The following ARAP3 variants were observed in gnomAD, a reference collection of about 807,000 sequenced individuals.
The protein encoded by ARAP3 is ArfGAP with RhoGAP domain, ankyrin repeat and PH domain 3, also known as arf-GAP with Rho-GAP domain, ANK repeat and PH domain-containing protein 3.
In ARAP3, 82 loss-of-function variants were observed where a neutral mutation model predicts 169.2. The observed-to-expected ratio is 0.48, with a 90% CI of 0.41 to 0.58. ARAP3 has a LOEUF of 0.58. ARAP3 is among the 20% of genes least tolerant of loss of function. The pLI is 0.00. For missense variants in ARAP3, 1,764 were observed against 2,018.0 expected, an observed-to-expected ratio of 0.87 and a Z score of 2.41; for synonymous variants, 791 against 800.3, an observed-to-expected ratio of 0.99 and a Z score of 0.20.
At chr5:141,666,720 C>A in intron 16 of ARAP3, 77 bp from the exon 17 acceptor site, 2 of 710,968 alleles carry the variant, frequency 2.8e-6, no homozygotes, top group East Asian at 3.4e-5. Flanking sequence ...ATGAGAGTGA[C>A]CGGGGTAGCG....
At chr5:141,673,952 T>A (rs1384732712) in intron 4 of ARAP3, 144 bp from the exon 5 acceptor site, 11 of 698,380 alleles carry the variant, frequency 1.6e-5, no homozygotes, top group South Asian at 2.2e-5. Flanking sequence ...TTTTCTTTTC[T>A]TTTCTTCTTT....
At position 141,673,696 on chromosome 5, in the gene ARAP3, C is replaced by G; in HGVS notation, c.811G>C (p.Asp271His). The G allele has an allele frequency of 1.2e-6, 2 of 1,614,218 alleles. No homozygotes were observed. Among genetic ancestry groups the G allele is most frequent in the Non-Finnish European group, 1.7e-6 (2 of 1,180,046 alleles). ...PTLETEETSD[D>H]LISPYASFSF... ...AAGCTGGCATAGGGTGAAATGAGGT[C>G]ATCACTGGTCTCCTCTGTTTCCAGG... Residue 271 changes from aspartate (D) to histidine (H), a missense_variant, in exon 5 of 33, where the codon GAC (aspartate) becomes CAC (histidine). Around this residue, in one of 3 missense-constraint regions of ARAP3, gnomAD observed 630 missense variants for 678.7 expected, o/e 0.93. Coordinates refer to ENST00000239440, the MANE Select transcript of ARAP3 (RefSeq NM_022481.6).
In ARAP3 at chr5:141,669,715, C is replaced by T; in HGVS notation, c.2346G>A (p.Val782=). The change falls in exon 16 of 33, where the codon GTG becomes GTA. Residue 782 remains valine (V), a synonymous_variant. Coordinates refer to ENST00000239440, the MANE Select transcript of ARAP3 (RefSeq NM_022481.6). ...GGGCGCTCTCCTGTCTCACCTTGCCCACAGCACTAGTCCAGGCCTCCAGAC... is the reference window on the plus strand; with the variant it reads ...GGGCGCTCTCCTGTCTCACCTTGCCTACAGCACTAGTCCAGGCCTCCAGAC... The part of the protein sequence containing the change: ...ADSLEAWTSA[V]GKWFSPLSCH... The T allele has an allele frequency of 6.2e-7, 1 of 1,614,024 alleles. No individual in the cohort carries two copies. Among genetic ancestry groups the T allele is most frequent in the Non-Finnish European group, 8.5e-7 (1 of 1,179,932 alleles).
At chr5:141,662,891 G>C (rs2099910154) in intron 19 of ARAP3, among the ~76,000 whole-genome samples, 1 of 152,134 alleles carries the variant, frequency 6.6e-6, no homozygotes, top group South Asian at 2.1e-4. Context: ...TTGGCCTTGA[G>C]TTCAGTGTTA....
chr5:141,674,984 A>G (rs1156335609), intron 4 of ARAP3, among the ~76,000 whole-genome samples: 3 of 152,322 alleles, frequency 2.0e-5, no homozygotes, highest in East Asian at 3.9e-4. Context: ...TCCCATTCGC[A>G]CTTAGGTTAA....
Position 141,666,596 on chromosome 5 carries a change from C to T in ARAP3, c.2400G>A (p.Leu800=). ...ACCGCAGCCATAGGCGGCCCAGCCG[C>T]AGCAGCCCGGGGCCCAGCAGCTGGT... ...SCHQLLGPGL[L]RLGRLWLRSP... is the part of the protein sequence containing the mutation. The change falls in exon 17 of 33, where the codon CTG becomes CTA. Residue 800 remains leucine, a synonymous_variant. Coordinates refer to ENST00000239440, the MANE Select transcript of ARAP3 (RefSeq NM_022481.6). 1 of 1,510,756 alleles carries T rather than the reference C, an allele frequency of 6.6e-7. No homozygotes were observed. The highest frequency in any genetic ancestry group is 8.9e-7 in the Non-Finnish European group (1 of 1,127,272). The allele number at this position is 1,510,756 out of a possible 1,614,324, so 93.6% of individuals were successfully genotyped here. A position where few individuals can be genotyped will look rare whatever the true frequency, so the allele number is the denominator to read the frequency against.
intron 16 of ARAP3, among the ~76,000 whole-genome samples, chr5:141,668,526 T>A (rs889969525): frequency 2.0e-5 from 3 of 152,206 alleles, no homozygotes; most frequent in Non-Finnish European, 4.4e-5. Context: ...CAGGGGCTAG[T>A]ATGGTGTGAC....
At chr5:141,658,121 G>A (rs1280919955) in intron 25 of ARAP3, among the ~76,000 whole-genome samples, 1 of 152,156 alleles carries the variant, frequency 6.6e-6, no homozygotes, top group Non-Finnish European at 1.5e-5. Flanking sequence ...AAGAGGAAGA[G>A]AAGCTCCCTT....
At chr5:141,659,647 A>T in intron 22 of ARAP3, 132 bp downstream of exon 22, 1 of 1,375,706 alleles carries the variant, frequency 7.3e-7, no homozygotes, top group South Asian at 1.3e-5. Context: ...GGGCTCTGGG[A>T]GGTAGTTCCT....
intron 32 of ARAP3, 142 bp from the exon 33 acceptor site, chr5:141,654,577 G>C: frequency 8.2e-7 from 1 of 1,220,356 alleles, no homozygotes; most frequent in Non-Finnish European, 1.1e-6. Flanking sequence ...CCTGTGCAGT[G>C]GGTTACACTG....
intron 17 of ARAP3, 148 bp from the exon 18 acceptor site, chr5:141,665,522 C>T: frequency 5.3e-6 from 4 of 755,652 alleles, no homozygotes; most frequent in South Asian, 3.9e-5. Flanking sequence ...ACTATTATTC[C>T]CATTTTATAG....
rs149014021 is a variant in ARAP3, at chr5:141,659,848, C to T, written c.3198G>A (p.Thr1066=). 5.4e-4 allele frequency: 872 copies of T among 1,607,012 alleles called. 6 individuals carry two copies. The African/African-American group carries it at 9.7e-3, about 18-fold the overall frequency. The change falls in exon 22 of 33, where the codon ACG becomes ACA. Residue 1066 remains threonine (T), a synonymous_variant. Transcript: ENST00000239440. The part of the protein sequence containing the change: ...ALLFAPSVFQ[T]DGRGEHEVRV... Reference sequence around the variant, plus strand: ...GCACCTCGTGCTCCCCTCGCCCATCCGTCTGGAACACGCTGGGTGCAAACA... The same window carrying T: ...GCACCTCGTGCTCCCCTCGCCCATCTGTCTGGAACACGCTGGGTGCAAACA...
rs138870799 is a variant in ARAP3, at chr5:141,669,773, C to G, written c.2288G>C (p.Arg763Thr). 3.1e-6 allele frequency: 5 copies of G among 1,614,148 alleles called. No individual in the cohort carries two copies. The highest frequency in any genetic ancestry group is 4.2e-6 in the Non-Finnish European group (5 of 1,180,016). ...FSFELILAGG[R>T]IQHFGTDGAD... Reference sequence around the variant, plus strand: ...TCCATCTGTGCCAAAATGCTGGATCCTCCCCCCAGCGAGGATGAGCTCAAA... The same window carrying G: ...TCCATCTGTGCCAAAATGCTGGATCGTCCCCCCAGCGAGGATGAGCTCAAA... The change falls in exon 16 of 33, where the codon AGG becomes ACG. Residue 763 changes from arginine to threonine, a missense_variant. This residue lies in a region of ARAP3 where 1,112 missense variants were observed against 1,285.7 expected (regional missense o/e 0.86). Coordinates refer to ENST00000239440, the MANE Select transcript of ARAP3 (RefSeq NM_022481.6).
In ARAP3 at chr5:141,653,944, C is replaced by G; in HGVS notation, c.*6G>C. 2 of 1,523,802 alleles carry G rather than the reference C, an allele frequency of 1.3e-6. No homozygotes were observed. Among genetic ancestry groups the G allele is most frequent in the Non-Finnish European group, 1.8e-6 (2 of 1,137,572 alleles). The allele number at this position is 1,523,802 out of a possible 1,614,324, so 94.4% of individuals were successfully genotyped here. A position where few individuals can be genotyped will look rare whatever the true frequency, so the allele number is the denominator to read the frequency against. On this transcript the variant is annotated 3_prime_UTR_variant, in exon 33 of 33. Transcript: ENST00000239440. ...TACCTACCCTCTCAGACTGCTGGTCCTAGGGTCATGTGAGGGGCTGGCTGG... is the reference window on the plus strand; with the variant it reads ...TACCTACCCTCTCAGACTGCTGGTCGTAGGGTCATGTGAGGGGCTGGCTGG...
At position 141,656,602 on chromosome 5, in the gene ARAP3, G is replaced by A. The variant is rs753234343; in HGVS notation, c.3691C>T (p.Arg1231Trp). ...RRESPRVGLL[R>W]CREEPPRLLG... ...AAGCGAGGTGGCTCCTCACGACACCGCAACAGCCCCACCCGTGGGCTCTCA... is the reference window on the plus strand; with the variant it reads ...AAGCGAGGTGGCTCCTCACGACACCACAACAGCCCCACCCGTGGGCTCTCA... Residue 1231 changes from arginine to tryptophan, a missense_variant, in exon 27 of 33, where the codon CGG becomes TGG. Coordinates refer to ENST00000239440, the MANE Select transcript of ARAP3 (RefSeq NM_022481.6). The A allele has an allele frequency of 4.1e-5, 66 of 1,612,986 alleles. No homozygotes were observed. In the Middle Eastern group the frequency reaches 9.9e-4, roughly 24 times the overall value.
chr5:141,680,114 C>A lies in ARAP3; in HGVS notation c.373G>T (p.Val125Leu). 2 of 1,612,516 alleles carry A rather than the reference C, an allele frequency of 1.2e-6. No homozygotes were observed. The highest frequency in any genetic ancestry group is 1.7e-6 in the Non-Finnish European group (2 of 1,179,092). Residue 125 changes from valine (V) to leucine (L), a missense_variant, in exon 2 of 33, where the codon GTG becomes TTG. Physicochemically the swap from Val to Leu is conservative, Grantham distance 32. Transcript: ENST00000239440. Reference sequence around the variant, plus strand: ...GGGCTGGGCTCTGGGCTCCTGGACACTCCTGGTCCCCCGAGGGCTGGGCTC... The same window carrying A: ...GGGCTGGGCTCTGGGCTCCTGGACAATCCTGGTCCCCCGAGGGCTGGGCTC... ...GLSPALGGPG[V>L]SRSPEPSPRP...
chr5:141,666,721 C>A, intron 16 of ARAP3, 78 bp from the exon 17 acceptor site: 1 of 696,478 alleles, frequency 1.4e-6, no homozygotes, highest in Non-Finnish European at 2.1e-6. Flanking sequence ...TGAGAGTGAC[C>A]GGGGTAGCGA....
At chr5:141,675,379 C>T (rs920130673) in intron 4 of ARAP3, among the ~76,000 whole-genome samples, 1 of 151,908 alleles carries the variant, frequency 6.6e-6, no homozygotes, top group Non-Finnish European at 1.5e-5. Flanking sequence ...GGAGAGGGCC[C>T]AGGCACTCAT....
In ARAP3 at chr5:141,673,026, G is replaced by A; in HGVS notation, c.1080C>T (p.Arg360=). The part of the protein sequence containing the change: ...VITGQRVFVF[R]TESEAQRDMW... ...TGTGGCCCTCACCCTCGCTCTCTGT[G>A]CGGAACACGAACACCCTCTGGCCGG... The change falls in exon 7 of 33, where the codon CGC becomes CGT. Residue 360 remains arginine, a synonymous_variant. Coordinates refer to ENST00000239440, the MANE Select transcript of ARAP3 (RefSeq NM_022481.6). 6.2e-7 allele frequency: 1 copy of A among 1,614,144 alleles called. No homozygotes were observed. The highest frequency in any genetic ancestry group is 8.5e-7 in the Non-Finnish European group (1 of 1,180,016).
Sources: gnomAD v4.1 joint callset for allele counts (sites outside exome capture counted in the v4.1 genomes callset) on GRCh38, gnomAD v4.1.1 for gene constraint, gnomAD v4.1.1 regional missense constraint, MANE v1.5 for transcripts, NCBI Gene and HGNC (gene_info 2026-07-23, HGNC 2026-07-21) for gene names.